SPATA16: variants seen among roughly 807,000 people sequenced by gnomAD.
SPATA16 encodes spermatogenesis-associated protein 16.
A neutral mutation model predicts 63.3 loss-of-function variants in SPATA16; 36 were observed. The ratio of observed to expected loss-of-function variants is 0.57; its 90% CI spans 0.44 to 0.75. SPATA16 has a LOEUF of 0.75. SPATA16 is among the 30% of genes least tolerant of loss of function. SPATA16 has a pLI of 0.00. For synonymous variants in SPATA16, 203 were observed against 216.7 expected, an observed-to-expected ratio of 0.94 and a Z score of 0.56; for missense variants, 646 against 679.3, an observed-to-expected ratio of 0.95 and a Z score of 0.54.
intron 10 of SPATA16, among the ~76,000 whole-genome samples, chr3:172,900,697 A>G (rs373953770): frequency 1.0e-3 from 154 of 151,920 alleles, no homozygotes; most frequent in African/African-American, 3.7e-3. Context: ...CTGGAGTGCA[A>G]TGGCATGATC....
At chr3:172,925,980 C>T (rs1467305799) in intron 6 of SPATA16, among the ~76,000 whole-genome samples, 2 of 152,032 alleles carry the variant, frequency 1.3e-5, no homozygotes, top group Admixed American at 1.3e-4. Flanking sequence ...CGCCCGCCAC[C>T]GCGCCCAGCT....
intron 4 of SPATA16, among the ~76,000 whole-genome samples, chr3:173,009,470 A>G (rs1213239557): frequency 6.6e-6 from 1 of 152,230 alleles, no homozygotes; most frequent in Non-Finnish European, 1.5e-5. Context: ...AGACAGACAC[A>G]GAGAGCTGCC....
chr3:173,102,584 T>C (rs1486037684), intron 2 of SPATA16, among the ~76,000 whole-genome samples: 2 of 152,092 alleles, frequency 1.3e-5, no homozygotes, highest in Non-Finnish European at 2.9e-5. Flanking sequence ...GAGAACTCAC[T>C]CACTATTGTG....
intron 1 of SPATA16, among the ~76,000 whole-genome samples, chr3:173,138,190 T>C (rs1456133224): frequency 2.0e-5 from 3 of 152,168 alleles, no homozygotes; most frequent in Admixed American, 6.5e-5. Flanking sequence ...TTATGCTGGC[T>C]AATAGGAATT....
chr3:173,138,312 A>G (rs771178068), intron 1 of SPATA16, among the ~76,000 whole-genome samples: 2 of 152,188 alleles, frequency 1.3e-5, no homozygotes, highest in African/African-American at 2.4e-5. Flanking sequence ...AATACAGACC[A>G]GGTTGAGTGC....
intron 4 of SPATA16, among the ~76,000 whole-genome samples, chr3:173,018,870 G>A (rs1735255767): frequency 6.6e-6 from 1 of 152,122 alleles, no homozygotes; most frequent in Non-Finnish European, 1.5e-5. Context: ...AGCTAATCCA[G>A]GAAGGAAAAA....
At chr3:173,076,100 A>G (rs555708138) in intron 2 of SPATA16, among the ~76,000 whole-genome samples, 18 of 152,316 alleles carry the variant, frequency 1.2e-4, no homozygotes, top group South Asian at 6.2e-4. Flanking sequence ...AGGAAGAAGC[A>G]GGTTTAGCAC....
intron 1 of SPATA16, among the ~76,000 whole-genome samples, chr3:173,131,799 T>C (rs1490806949): frequency 1.3e-5 from 2 of 152,118 alleles, no homozygotes; most frequent in Non-Finnish European, 2.9e-5. Context: ...CAGTCCCTAA[T>C]TAAATTAAGA....
chr3:173,047,186 G>T (rs1481809832), intron 3 of SPATA16, among the ~76,000 whole-genome samples: 1 of 150,404 alleles, frequency 6.6e-6, no homozygotes, highest in Non-Finnish European at 1.5e-5. Context: ...TGGAATTTTT[G>T]ATCTTTCGTT....
chr3:172,984,458 A>G (rs776507724), intron 4 of SPATA16, among the ~76,000 whole-genome samples: 28 of 152,204 alleles, frequency 1.8e-4, no homozygotes, highest in Non-Finnish European at 4.1e-4. Flanking sequence ...TCATTTGACA[A>G]TCATTCATAA....
intron 1 of SPATA16, among the ~76,000 whole-genome samples, chr3:173,124,824 T>C (rs1351411629): frequency 6.6e-6 from 1 of 152,130 alleles, no homozygotes; most frequent in African/African-American, 2.4e-5. Flanking sequence ...TGGCTGTTCC[T>C]TTTCTCTTCC....
chr3:173,133,617 G>A (rs1738444355), intron 1 of SPATA16, among the ~76,000 whole-genome samples: 1 of 152,052 alleles, frequency 6.6e-6, no homozygotes, highest in Non-Finnish European at 1.5e-5. Context: ...GGGAACTAAG[G>A]AGAAGACAGC....
At chr3:172,909,802 G>A (rs1005960922) in intron 10 of SPATA16, among the ~76,000 whole-genome samples, 5 of 152,102 alleles carry the variant, frequency 3.3e-5, no homozygotes, top group Non-Finnish European at 2.9e-5. Flanking sequence ...GGTTTGTAAC[G>A]CAGCAATAGA....
At chr3:173,050,158 A>G (rs1323601007) in intron 2 of SPATA16, among the ~76,000 whole-genome samples, 2 of 152,180 alleles carry the variant, frequency 1.3e-5, no homozygotes, top group Non-Finnish European at 2.9e-5. Flanking sequence ...TGCCATTTAT[A>G]TTAATGCTAT....
intron 5 of SPATA16, among the ~76,000 whole-genome samples, chr3:172,960,557 C>A (rs1156791395): frequency 6.6e-6 from 1 of 152,154 alleles, no homozygotes; most frequent in African/African-American, 2.4e-5. Flanking sequence ...ATAATAATTT[C>A]TCCTTGTACT....
At chr3:173,087,035 C>T (rs58595572) in intron 2 of SPATA16, among the ~76,000 whole-genome samples, 4,161 of 152,182 alleles carry the variant, frequency 0.027, 208 homozygotes, top group African/African-American at 0.095. Context: ...CTGTAGCTAT[C>T]TGCCAGGTCC....
At chr3:173,078,971 T>A (rs1736869262) in intron 2 of SPATA16, among the ~76,000 whole-genome samples, 1 of 152,210 alleles carries the variant, frequency 6.6e-6, no homozygotes, top group African/African-American at 2.4e-5. Flanking sequence ...TCCATTATGG[T>A]ACACTAATTA....
At chr3:172,956,640 A>C in intron 6 of SPATA16, 37 bp downstream of exon 6, 1 of 1,602,922 alleles carries the variant, frequency 6.2e-7, no homozygotes, top group Non-Finnish European at 8.5e-7. Context: ...ATTTGAAACA[A>C]AATATCAGCT....
At chr3:173,007,723 G>T (rs553999373) in intron 4 of SPATA16, among the ~76,000 whole-genome samples, 1 of 151,666 alleles carries the variant, frequency 6.6e-6, no homozygotes, top group East Asian at 1.9e-4. Context: ...CAGATTTGTG[G>T]CAAATAGTGA....
Sources: allele counts gnomAD v4.1 joint callset (sites outside exome capture counted in the v4.1 genomes callset), GRCh38; gene constraint gnomAD v4.1.1; transcripts MANE v1.5; gene names NCBI Gene and HGNC (gene_info 2026-07-23, HGNC 2026-07-21).